Variants in RBBP8 observed in about 807,000 individuals in gnomAD.
The protein encoded by RBBP8 is DNA endonuclease RBBP8.
Under a neutral mutation model 108.3 loss-of-function variants are expected in RBBP8, and 88 were observed. The ratio of observed to expected loss-of-function variants is 0.81; its 90% CI spans 0.68 to 0.97. The LOEUF (loss-of-function observed/expected upper bound fraction) is 0.97, where lower values mean the gene tolerates loss of function less well. RBBP8 is among the 50% of genes least tolerant of loss of function. RBBP8 has a pLI of 0.00. For synonymous variants in RBBP8, 332 were observed against 348.2 expected, an observed-to-expected ratio of 0.95 and a Z score of 0.52; for missense variants, 1,023 against 1,049.0, an observed-to-expected ratio of 0.98 and a Z score of 0.34.
In RBBP8 at chr18:22,993,592, C is replaced by T. The variant is rs749634804; in HGVS notation, c.1765C>T (p.Arg589Cys). 8.1e-6 allele frequency: 13 copies of T among 1,614,148 alleles called. No homozygotes were observed. Among genetic ancestry groups the T allele is most frequent in the African/African-American group, 1.3e-5 (1 of 75,042 alleles). ...EENAVFKIPL[R>C]PRESLETENV... ...AAATGCTGTCTTTAAAATTCCTCTACGTCCACGTGAAAGTTTGGAGACTGA... is the reference window on the plus strand; with the variant it reads ...AAATGCTGTCTTTAAAATTCCTCTATGTCCACGTGAAAGTTTGGAGACTGA... Residue 589 changes from arginine to cysteine, a missense_variant, in exon 11 of 19, where the codon CGT (arginine) becomes TGT (cysteine). Transcript: ENST00000327155.
At chr18:23,018,529 T>C (rs949293248) in intron 17 of RBBP8, among the ~76,000 whole-genome samples, 2 of 152,242 alleles carry the variant, frequency 1.3e-5, no homozygotes, top group Admixed American at 1.3e-4. Context: ...CTCAAGTCTC[T>C]GATATAAAAT....
At position 22,982,366 on chromosome 18, in the gene RBBP8, A is replaced by G; in HGVS notation, c.577A>G (p.Lys193Glu). 6.2e-7 allele frequency: 1 copy of G among 1,614,120 alleles called. No individual in the cohort carries two copies. The highest frequency in any genetic ancestry group is 8.5e-7 in the Non-Finnish European group (1 of 1,179,994). The change falls in exon 7 of 19, where the codon AAA becomes GAA. Residue 193 changes from lysine (K) to glutamate (E), a missense_variant. Lys to Glu is a moderately conservative substitution (Grantham distance 56). Coordinates refer to ENST00000327155, the MANE Select transcript of RBBP8 (RefSeq NM_002894.3). ...CCGATACATAGAACAAACACATACTAAATTGGAGCACTCTGTGTGTGCAAA... is the reference window on the plus strand; with the variant it reads ...CCGATACATAGAACAAACACATACTGAATTGGAGCACTCTGTGTGTGCAAA... ...HVRYIEQTHT[K>E]LEHSVCANEM...
At chr18:22,936,450 A>AT (rs914224751) in intron 1 of RBBP8, among the ~76,000 whole-genome samples, 4 of 152,196 alleles carry the variant, frequency 2.6e-5, no homozygotes, top group African/African-American at 9.7e-5. Context: ...ACCATGAATG[A>AT]TAAAAACCCC....
intron 2 of RBBP8, chr18:22,946,238 T>C: frequency 1.8e-6 from 1 of 542,900 alleles, no homozygotes; most frequent in South Asian, 2.7e-5. Flanking sequence ...GAAAATGTTA[T>C]TCCATTTGAC....
At position 23,012,794 on chromosome 18, in the gene RBBP8, A is replaced by G. The variant is rs541129475; in HGVS notation, c.2358-4034A>G. 2.6e-4 allele frequency among the ~76,000 whole-genome samples: 39 copies of G among 152,356 alleles called. No homozygotes were observed. The South Asian group carries it at 6.2e-3, about 24-fold the overall frequency. On this transcript the variant is annotated intron_variant, in intron 16 of 18. Transcript: ENST00000327155. Reference sequence around the variant, plus strand: ...TTCAGTGCAGATGAAACAGCCTTCTATTGGAAGAAGATGCCATCTATGACT... The same window carrying G: ...TTCAGTGCAGATGAAACAGCCTTCTGTTGGAAGAAGATGCCATCTATGACT...
chr18:23,006,330 A>G (rs1429551839), intron 15 of RBBP8, 33 bp from the exon 16 acceptor site: 1 of 1,564,948 alleles, frequency 6.4e-7, no homozygotes, highest in African/African-American at 1.4e-5. Flanking sequence ...TAAGTTCTAC[A>G]TTTAGTTTGT....
chr18:22,993,962 G>T (rs2144708949), intron 12 of RBBP8, 115 bp downstream of exon 12: 1 of 1,091,474 alleles, frequency 9.2e-7, no homozygotes. Context: ...TCTTCCTTCA[G>T]GTGTCTGTAT....
chr18:22,978,417 T>C (rs1008237379), intron 6 of RBBP8, among the ~76,000 whole-genome samples: 2 of 152,186 alleles, frequency 1.3e-5, no homozygotes, highest in Non-Finnish European at 2.9e-5. Flanking sequence ...GGTTAACATA[T>C]GGAGTTTTGT....
chr18:22,984,439 T>C (rs1048888304), intron 7 of RBBP8, among the ~76,000 whole-genome samples: 10 of 152,200 alleles, frequency 6.6e-5, no homozygotes, highest in Non-Finnish European at 1.2e-4. Flanking sequence ...GGTGGAGTAC[T>C]GTGGTGTGAT....
At chr18:22,955,304 C>G (rs939230434) in intron 4 of RBBP8, among the ~76,000 whole-genome samples, 3 of 152,148 alleles carry the variant, frequency 2.0e-5, no homozygotes, top group Admixed American at 6.5e-5. Context: ...GCTCACCTTT[C>G]TTCAAATGCA....
intron 16 of RBBP8, among the ~76,000 whole-genome samples, chr18:23,015,539 T>C (rs1487386989): frequency 6.6e-6 from 1 of 151,046 alleles, no homozygotes; most frequent in Non-Finnish European, 1.5e-5. Flanking sequence ...TCCCAGACCA[T>C]TGTCCTGAAA....
chr18:23,018,402 A>G (rs955625892), intron 17 of RBBP8, among the ~76,000 whole-genome samples: 14 of 152,148 alleles, frequency 9.2e-5, no homozygotes, highest in African/African-American at 3.4e-4. Flanking sequence ...TTAAACACTT[A>G]TATTTTTCCT....
intron 16 of RBBP8, among the ~76,000 whole-genome samples, chr18:23,009,727 G>T (rs1006813640): frequency 7.2e-5 from 11 of 151,918 alleles, no homozygotes; most frequent in Non-Finnish European, 1.0e-4. Context: ...ATATAGTCAT[G>T]CTATCCATGA....
intron 17 of RBBP8, among the ~76,000 whole-genome samples, chr18:23,020,140 G>A (rs998023167): frequency 2.0e-5 from 3 of 150,430 alleles, no homozygotes; most frequent in African/African-American, 7.3e-5. Context: ...TTGTATTTTG[G>A]CCAGGCACAG....
At chr18:22,940,679 C>T (rs1435166150) in intron 2 of RBBP8, among the ~76,000 whole-genome samples, 1 of 151,960 alleles carries the variant, frequency 6.6e-6, no homozygotes, top group East Asian at 1.9e-4. Context: ...TGAGGTCTTG[C>T]CTCATTGCCC....
intron 4 of RBBP8, among the ~76,000 whole-genome samples, chr18:22,958,186 T>C (rs1456045044): frequency 6.6e-6 from 1 of 152,230 alleles, no homozygotes; most frequent in Non-Finnish European, 1.5e-5. Flanking sequence ...TTCAGTCTTT[T>C]TTGTATTTTG....
intron 17 of RBBP8, among the ~76,000 whole-genome samples, chr18:23,019,848 G>A (rs1338745297): frequency 1.4e-5 from 2 of 145,652 alleles, no homozygotes; most frequent in East Asian, 2.0e-4. Flanking sequence ...TGCAAGCTCC[G>A]CCTCCTGGGT....
At chr18:22,977,843 A>T (rs1914599768) in intron 6 of RBBP8, 1 of 152,166 alleles carries the variant, frequency 6.6e-6, no homozygotes, top group African/African-American at 2.4e-5. Context: ...CTTTTGATAC[A>T]TGAAGACAGC....
intron 4 of RBBP8, among the ~76,000 whole-genome samples, chr18:22,954,894 C>G (rs1912374970): frequency 6.6e-6 from 1 of 152,142 alleles, no homozygotes; most frequent in Non-Finnish European, 1.5e-5. Context: ...ATCAAGAGAA[C>G]AGCAGCATAG....
Sources: gnomAD v4.1 joint callset for allele counts (sites outside exome capture counted in the v4.1 genomes callset) on GRCh38, gnomAD v4.1.1 for gene constraint, MANE v1.5 for transcripts, NCBI Gene and HGNC (gene_info 2026-07-23, HGNC 2026-07-21) for gene names.